WNT8A: variants seen among roughly 807,000 people sequenced by gnomAD.
WNT8A encodes the protein Wnt family member 8A.
A neutral mutation model predicts 20.5 loss-of-function variants in WNT8A; 14 were observed. The observed-to-expected ratio is 0.68, with a 90% CI of 0.45 to 1.07. The LOEUF is 1.07. WNT8A is among the 50% of genes least tolerant of loss of function. WNT8A has a pLI of 0.00. For synonymous variants in WNT8A, 167 were observed against 169.2 expected, an observed-to-expected ratio of 0.99 and a Z score of 0.10; for missense variants, 397 against 462.9, an observed-to-expected ratio of 0.86 and a Z score of 1.31.
upstream of WNT8A, among the ~76,000 whole-genome samples, chr5:138,080,444 GTTTTTTT>G (rs371833243): frequency 1.4e-4 from 8 of 55,976 alleles, 1 homozygote; most frequent in South Asian, 1.1e-3. Context: ...TGTAAATCTT[GTTTTTTT>G]TTTTTTTTTT....
chr5:138,091,980 T>C (rs998376987), downstream of WNT8A: 1 of 152,084 alleles, frequency 6.6e-6, no homozygotes, highest in East Asian at 1.9e-4. Context: ...TCTGGAGCCA[T>C]GGAAAGGCAA....
chr5:138,091,464 T>C lies in WNT8A; in HGVS notation c.*391T>C, dbSNP rs1378513802. ...GCTGTGCTGCTGGGAATCAGGAGAA[T>C]AGAAGCAAAAAACGAAAGAGTTCTG... On this transcript the variant is annotated 3_prime_UTR_variant, in exon 5 of 5. Coordinates refer to ENST00000506684, the MANE Select transcript of WNT8A (RefSeq NM_001300939.2). The C allele has an allele frequency of 7.4e-7, 1 of 1,354,592 alleles. No individual in the cohort carries two copies. The highest frequency in any genetic ancestry group is 9.8e-7 in the Non-Finnish European group (1 of 1,023,792). 83.9% of individuals were successfully genotyped at this position (1,354,592 alleles called of 1,614,324 possible).
chr5:138,080,454 T>TG (rs1471896125), upstream of WNT8A, among the ~76,000 whole-genome samples: 5 of 97,160 alleles, frequency 5.1e-5, no homozygotes, highest in South Asian at 2.7e-4. Context: ...GTTTTTTTTT[T>TG]TTTTTTTTTT....
chr5:138,090,825 A>G lies in WNT8A; in HGVS notation c.862A>G (p.Thr288Ala), dbSNP rs1750824097. Residue 288 changes from threonine to alanine, a missense_variant, in exon 5 of 5, where the codon ACA becomes GCA. Thr to Ala is a moderately conservative substitution (Grantham distance 58, BLOSUM62 0). Transcript: ENST00000506684. ...CAATTCCAGCCTGGGCATCTATGGC[A>G]CAGAGGGTCGTGAGTGCCTACAGAA... ...TCNSSLGIYG[T>A]EGRECLQNSH... is the part of the protein sequence containing the mutation. The G allele has an allele frequency of 6.2e-7, 1 of 1,614,098 alleles. No homozygotes were observed. Among genetic ancestry groups the G allele is most frequent in the Non-Finnish European group, 8.5e-7 (1 of 1,180,046 alleles).
Position 138,091,267 on chromosome 5 carries a change from C to T in WNT8A, c.*194C>T, listed in dbSNP as rs1328544233. The T allele has an allele frequency of 5.7e-6, 9 of 1,570,052 alleles. No individual in the cohort carries two copies. In the South Asian group the frequency reaches 1.0e-4, roughly 18 times the overall value. On this transcript the variant is annotated 3_prime_UTR_variant, in exon 5 of 5. Transcript: ENST00000506684. ...ATTCCTGGCGGGGCTGAAATTGGAA[C>T]CTGGGCCTCCTGACTTTGGCAGACC... is the stretch of plus-strand genomic sequence containing the variant.
At position 138,084,651 on chromosome 5, in the gene WNT8A, G is replaced by A; in HGVS notation, c.295+15G>A. ...GCTGAGAAGTGGTAAGTTTGTGTGG[G>A]ACTCACCTGTACAAGGGGTATATAT... On this transcript the variant is annotated intron_variant, in intron 2 of 4. Coordinates refer to ENST00000506684, the MANE Select transcript of WNT8A (RefSeq NM_001300939.2). 6.3e-7 allele frequency: 1 copy of A among 1,598,492 alleles called. No homozygotes were observed. Among genetic ancestry groups the A allele is most frequent in the Non-Finnish European group, 8.5e-7 (1 of 1,171,424 alleles).
chr5:138,090,216 T>C (rs1465430579), intron 4 of WNT8A, among the ~76,000 whole-genome samples: 1 of 152,164 alleles, frequency 6.6e-6, no homozygotes, highest in Non-Finnish European at 1.5e-5. Flanking sequence ...AGAGAAAAGC[T>C]TGACAAGTGA....
chr5:138,084,687 T>C (rs4835762), intron 2 of WNT8A, 51 bp downstream of exon 2: 1,533,507 of 1,540,192 alleles, frequency 1, 763,616 homozygotes, highest in East Asian at 1. Flanking sequence ...GTGAATGGAG[T>C]GGGGCTTGCA....
At chr5:138,078,159 G>A in the WNT8A span, among the ~76,000 whole-genome samples, 3 of 152,092 alleles carry the variant, frequency 2.0e-5, no homozygotes, top group Non-Finnish European at 1.5e-5. Context: ...TCAAGCAGCT[G>A]TGGCATTTGG....
upstream of WNT8A, among the ~76,000 whole-genome samples, chr5:138,081,037 C>A (rs112542909): frequency 0.038 from 5,849 of 152,022 alleles, 137 homozygotes; most frequent in Middle Eastern, 0.061. Flanking sequence ...GTCAGGAGAT[C>A]GAGACCATCC....
At chr5:138,080,192 G>A (rs1356739368), upstream of WNT8A, among the ~76,000 whole-genome samples, 5 of 151,688 alleles carry the variant, frequency 3.3e-5, no homozygotes, top group East Asian at 1.9e-4. Flanking sequence ...GCGTGGAGGC[G>A]AGCACCTGTA....
intron 2 of WNT8A, among the ~76,000 whole-genome samples, chr5:138,087,533 G>C (rs1366599357): frequency 6.9e-6 from 1 of 145,648 alleles, no homozygotes; most frequent in Non-Finnish European, 1.5e-5. Flanking sequence ...CGCACCTGTA[G>C]TCCCAGCCAG....
At chr5:138,084,784 C>A in intron 2 of WNT8A, 148 bp downstream of exon 2, 1 of 1,149,106 alleles carries the variant, frequency 8.7e-7, no homozygotes, top group Non-Finnish European at 1.2e-6. Flanking sequence ...TGCTGTGTGG[C>A]CTTGAGTAAA....
intron 3 of WNT8A, among the ~76,000 whole-genome samples, chr5:138,088,205 G>A (rs1456547053): frequency 6.6e-6 from 1 of 152,104 alleles, no homozygotes; most frequent in Non-Finnish European, 1.5e-5. Context: ...TTTCAGGCTT[G>A]GAATGGTTCA....
chr5:138,080,179 C>T (rs1750465690), upstream of WNT8A, among the ~76,000 whole-genome samples: 1 of 151,802 alleles, frequency 6.6e-6, no homozygotes, highest in Non-Finnish European at 1.5e-5. Context: ...AAAAATTAGC[C>T]AAGCGTGGAG....
chr5:138,085,853 C>CAAA (rs11377173), intron 2 of WNT8A, among the ~76,000 whole-genome samples: 66 of 73,942 alleles, frequency 8.9e-4, no homozygotes, highest in African/African-American at 1.1e-3. Flanking sequence ...GACCTTGTCT[C>CAAA]AAAAAAAAAA....
chr5:138,085,023 G>A (rs1473823002), intron 2 of WNT8A, among the ~76,000 whole-genome samples: 1 of 151,812 alleles, frequency 6.6e-6, no homozygotes, highest in African/African-American at 2.4e-5. Context: ...CGCAACTTCC[G>A]CCTCCGGAGT....
intron 2 of WNT8A, 41 bp downstream of exon 2, chr5:138,084,677 G>T: frequency 6.4e-7 from 1 of 1,561,430 alleles, no homozygotes; most frequent in Non-Finnish European, 8.7e-7. Context: ...GGGTATATAT[G>T]TGAATGGAGT....
Position 138,090,849 on chromosome 5 carries a change from A to G in WNT8A, c.886A>G (p.Asn296Asp). 3.7e-6 allele frequency: 6 copies of G among 1,614,176 alleles called. No individual in the cohort carries two copies. Among genetic ancestry groups the G allele is most frequent in the Non-Finnish European group, 5.1e-6 (6 of 1,180,034 alleles). ...YGTEGRECLQ[N>D]SHNTSRWERR... ...CACAGAGGGTCGTGAGTGCCTACAG[A>G]ACAGCCACAACACATCCAGGTGGGA... Residue 296 changes from asparagine (N) to aspartate (D), a missense_variant, in exon 5 of 5, where the codon AAC becomes GAC. Asn to Asp is a conservative substitution (Grantham distance 23). Coordinates refer to ENST00000506684, the MANE Select transcript of WNT8A (RefSeq NM_001300939.2).
Sources: allele counts gnomAD v4.1 joint callset (sites outside exome capture counted in the v4.1 genomes callset), GRCh38; gene constraint gnomAD v4.1.1; transcripts MANE v1.5; gene names NCBI Gene and HGNC (gene_info 2026-07-23, HGNC 2026-07-21).